OR4F3: variants seen among roughly 807,000 people sequenced by gnomAD.
The protein encoded by OR4F3 is olfactory receptor family 4 subfamily F member 3, also known as olfactory receptor 4F3/4F16/4F29.
chr5:181,362,171 G>C, the OR4F3 span, among the ~76,000 whole-genome samples: 1 of 104,136 alleles, frequency 9.6e-6, no homozygotes. Flanking sequence ...TGGGAGAAAA[G>C]TCCATTTTCC....
upstream of OR4F3, among the ~76,000 whole-genome samples, chr5:181,362,597 C>T (rs1353825242): frequency 8.4e-6 from 1 of 118,446 alleles, no homozygotes; most frequent in Non-Finnish European, 1.7e-5. Flanking sequence ...GAGAGGTTTA[C>T]CTAAAGCCAG....
At chr5:181,353,775 G>A in the OR4F3 span, among the ~76,000 whole-genome samples, 1 of 10,432 alleles carries the variant, frequency 9.6e-5, no homozygotes, top group East Asian at 2.0e-3. Flanking sequence ...AATCCAGGCT[G>A]AGATGGTCTC....
chr5:181,356,986 ATTTTC>A, the OR4F3 span, among the ~76,000 whole-genome samples: 1 of 134,810 alleles, frequency 7.4e-6, no homozygotes, highest in East Asian at 2.0e-4. Flanking sequence ...GTATGTACCT[ATTTTC>A]TTTTAATTTG....
upstream of OR4F3, among the ~76,000 whole-genome samples, chr5:181,363,637 GA>G (rs1761089607): frequency 1.1e-5 from 1 of 88,622 alleles, no homozygotes; most frequent in Non-Finnish European, 1.9e-5. Flanking sequence ...AGAACACAAG[GA>G]AAACACACAC....
the OR4F3 span, among the ~76,000 whole-genome samples, chr5:181,359,606 G>A: frequency 7.8e-6 from 1 of 127,738 alleles, no homozygotes; most frequent in Non-Finnish European, 1.6e-5. Context: ...ACAGTTTCTG[G>A]GCTTGGCTAT....
upstream of OR4F3, among the ~76,000 whole-genome samples, chr5:181,362,534 T>C (rs1327721870): frequency 8.0e-6 from 1 of 124,750 alleles, no homozygotes; most frequent in Admixed American, 7.2e-5. Context: ...CAATTTTTTT[T>C]TGGGGGGGGT....
upstream of OR4F3, among the ~76,000 whole-genome samples, chr5:181,363,508 T>C (rs182894462): frequency 2.5e-4 from 25 of 98,856 alleles, 3 homozygotes; most frequent in Middle Eastern, 9.1e-3. Context: ...AATTTGGAAA[T>C]GGTTTCTGGA....
At chr5:181,357,190 C>A in the OR4F3 span, among the ~76,000 whole-genome samples, 39 of 135,686 alleles carry the variant, frequency 2.9e-4, no homozygotes, top group Admixed American at 2.2e-3. Flanking sequence ...CTAAGAATGA[C>A]CTTTATCTTT....
chr5:181,358,222 G>A, the OR4F3 span, among the ~76,000 whole-genome samples: 5 of 126,460 alleles, frequency 4.0e-5, 1 homozygote, highest in African/African-American at 1.0e-4. Flanking sequence ...TGTACCTTAT[G>A]TAATTTTCCC....
At chr5:181,359,285 A>AT in the OR4F3 span, among the ~76,000 whole-genome samples, 7 of 62,854 alleles carry the variant, frequency 1.1e-4, 2 homozygotes, top group Non-Finnish European at 2.0e-4. Context: ...ATTTCATAGA[A>AT]TTTGTATAGT....
chr5:181,362,525 A>G (rs1004296652), upstream of OR4F3, among the ~76,000 whole-genome samples: 1 of 124,692 alleles, frequency 8.0e-6, no homozygotes, highest in African/African-American at 3.8e-5. Flanking sequence ...ACCTAGGAGC[A>G]ATTTTTTTTT....
upstream of OR4F3, among the ~76,000 whole-genome samples, chr5:181,363,948 G>A (rs567878603): frequency 0.044 from 2,918 of 66,636 alleles, 192 homozygotes; most frequent in South Asian, 0.092. Flanking sequence ...GAAATTCCCA[G>A]AGTCAAACTC....
chr5:181,362,487 T>C (rs1213101795), upstream of OR4F3, among the ~76,000 whole-genome samples: 11 of 124,484 alleles, frequency 8.8e-5, no homozygotes, highest in Non-Finnish European at 1.3e-4. Context: ...TTCCTGCATT[T>C]CTCAGGAAGT....
the OR4F3 span, among the ~76,000 whole-genome samples, chr5:181,356,565 G>C: frequency 4.5e-5 from 6 of 133,028 alleles, no homozygotes; most frequent in East Asian, 9.9e-4. Flanking sequence ...TGTGGTTTCA[G>C]GCACAACTCC....
the OR4F3 span, among the ~76,000 whole-genome samples, chr5:181,361,323 A>G: frequency 3.9e-5 from 2 of 50,868 alleles, no homozygotes; most frequent in African/African-American, 2.6e-4. Context: ...TCTTAAGGGA[A>G]CTCCTTCCCT....
chr5:181,363,872 C>T (rs1761092061), upstream of OR4F3, among the ~76,000 whole-genome samples: 2 of 87,030 alleles, frequency 2.3e-5, no homozygotes, highest in African/African-American at 8.1e-5. Flanking sequence ...TGCCCTTTCT[C>T]TCCCCCGTTA....
upstream of OR4F3, among the ~76,000 whole-genome samples, chr5:181,363,881 T>C (rs528596265): frequency 6.3e-4 from 54 of 85,564 alleles, 5 homozygotes; most frequent in African/African-American, 4.3e-3. Flanking sequence ...TCTCCCCCGT[T>C]AAATGCAACC....
At chr5:181,356,651 C>A in the OR4F3 span, among the ~76,000 whole-genome samples, 68 of 137,498 alleles carry the variant, frequency 4.9e-4, 1 homozygote, top group African/African-American at 1.9e-3. Flanking sequence ...CAGTTAACTG[C>A]TGTTTACCCT....
At chr5:181,363,923 G>T (rs1204610070), upstream of OR4F3, among the ~76,000 whole-genome samples, 2 of 77,574 alleles carry the variant, frequency 2.6e-5, 1 homozygote, top group South Asian at 8.5e-4. Context: ...CCCCAAATGA[G>T]TGTGTTAAAG....
Sources: gnomAD v4.1 joint callset for allele counts (sites outside exome capture counted in the v4.1 genomes callset) on GRCh38, gnomAD v4.1.1 for gene constraint, MANE v1.5 for transcripts, NCBI Gene and HGNC (gene_info 2026-07-23, HGNC 2026-07-21) for gene names.